Variants in WDR90 observed in about 807,000 individuals in gnomAD.
The protein encoded by WDR90 is WD repeat domain 90.
Under a neutral mutation model 195.2 loss-of-function variants are expected in WDR90, and 238 were observed. The observed-to-expected ratio is 1.22, with a 90% CI of 1.10 to 1.36. The LOEUF (loss-of-function observed/expected upper bound fraction) is 1.36, where lower values mean the gene tolerates loss of function less well. Among genes scored for constraint, WDR90 ranks in the 40% most tolerant of loss-of-function variants. The pLI, the probability that WDR90 is intolerant of heterozygous loss-of-function variation, is 0.00. For missense variants in WDR90, 2,734 were observed against 2,439.5 expected, an observed-to-expected ratio of 1.12 and a Z score of -2.54; for synonymous variants, 1,265 against 1,052.4, an observed-to-expected ratio of 1.20 and a Z score of -3.91.
Position 657,180 on chromosome 16 carries a change from A to G in WDR90, c.2432A>G (p.Tyr811Cys). 1 of 1,557,104 alleles carries G rather than the reference A, an allele frequency of 6.4e-7. No individual in the cohort carries two copies. Among genetic ancestry groups the G allele is most frequent in the Non-Finnish European group, 8.7e-7 (1 of 1,150,966 alleles). Reference sequence around the variant, plus strand: ...TGCTCCCAGGGCTCCCTGGCCCAGTACAGCTGTGCGGACCCCCAGTGGCAT... The same window carrying G: ...TGCTCCCAGGGCTCCCTGGCCCAGTGCAGCTGTGCGGACCCCCAGTGGCAT... ...SSCSQGSLAQ[Y>C]SCADPQWHVL... The change falls in exon 20 of 41, where the codon TAC becomes TGC. Residue 811 changes from tyrosine (Y) to cysteine (C), a missense_variant. Coordinates refer to ENST00000293879, the MANE Select transcript of WDR90 (RefSeq NM_145294.5).
At position 666,770 on chromosome 16, in the gene WDR90, T is replaced by C. The variant is rs2038074092; in HGVS notation, c.4982T>C (p.Ile1661Thr). ...VGPGVYKEVI[I>T]YNLCQKQVVE... ...CCCGGTGTTTACAAGGAGGTGATCA[T>C]CTACAACCTCTGCCAGAAGCAGGTA... Residue 1661 changes from isoleucine to threonine, a missense_variant, in exon 39 of 41, where the codon ATC (isoleucine) becomes ACC (threonine). Ile to Thr is a moderately conservative substitution (Grantham distance 89). Coordinates refer to ENST00000293879, the MANE Select transcript of WDR90 (RefSeq NM_145294.5). 1 of 1,612,634 alleles carries C rather than the reference T, an allele frequency of 6.2e-7. No individual in the cohort carries two copies. Among genetic ancestry groups the C allele is most frequent in the African/African-American group, 1.3e-5 (1 of 74,896 alleles).
At position 659,332 on chromosome 16, in the gene WDR90, C is replaced by A; in HGVS notation, c.3140C>A (p.Pro1047Gln). The A allele has an allele frequency of 6.3e-7, 1 of 1,596,964 alleles. No individual in the cohort carries two copies. The highest frequency in any genetic ancestry group is 1.1e-5 in the South Asian group (1 of 88,882). ...GTCCCCAAGCCATGTCAGGCATCTC[C>A]ACCACGGCTGGGCGTCTGTGCCAGG... ...QQVPKPCQASPPRLGVCARPP... is the reference protein window; with the variant it reads ...QQVPKPCQASQPRLGVCARPP... Residue 1047 changes from proline to glutamine, a missense_variant, in exon 26 of 41, where the codon CCA becomes CAA. Pro to Gln is a moderately conservative substitution (Grantham distance 76). Transcript: ENST00000293879.
Position 666,228 on chromosome 16 carries a change from G to C in WDR90, c.4618G>C (p.Val1540Leu), listed in dbSNP as rs2038032502. Residue 1540 changes from valine to leucine, a missense_variant, in exon 37 of 41, where the codon GTC (valine) becomes CTC (leucine). Physicochemically the swap from Val to Leu is conservative, Grantham distance 32 (BLOSUM62 1). Coordinates refer to ENST00000293879, the MANE Select transcript of WDR90 (RefSeq NM_145294.5). ...TVAFSTDGQT[V>L]LSGDKDGLVA... ...TGACGGCATGGTCCCAGGTCAGACT[G>C]TCCTCTCTGGAGACAAGGATGGGCT... The C allele has an allele frequency of 6.2e-7, 1 of 1,612,410 alleles. No individual in the cohort carries two copies. Among genetic ancestry groups the C allele is most frequent in the Non-Finnish European group, 8.5e-7 (1 of 1,179,750 alleles).
chr16:655,992 C>A, intron 17 of WDR90, 103 bp downstream of exon 17: 1 of 1,325,540 alleles, frequency 7.5e-7, no homozygotes, highest in Non-Finnish European at 1.0e-6. Flanking sequence ...CGCCCTGGCT[C>A]CTGGCTGCAC....
At position 660,622 on chromosome 16, in the gene WDR90, C is replaced by A. The variant is rs545936270; in HGVS notation, c.3299C>A (p.Pro1100Gln). 1.1e-5 allele frequency: 18 copies of A among 1,567,518 alleles called. No individual in the cohort carries two copies. In the South Asian group the frequency reaches 2.1e-4, roughly 18 times the overall value. Residue 1100 changes from proline (P) to glutamine (Q), a missense_variant, in exon 28 of 41, where the codon CCG becomes CAG. By Grantham distance (76) the Pro-to-Gln change is moderately conservative. Coordinates refer to ENST00000293879, the MANE Select transcript of WDR90 (RefSeq NM_145294.5). The part of the protein sequence containing the change: ...CSPHSAKGTC[P>Q]PPASGGWLRL... ...TCTCCTTCCTCGCAGGGCACTTGCC[C>A]GCCTCCCGCCAGCGGTGGGTGGCTG...
chr16:663,460 C>T, intron 34 of WDR90: 1 of 229,662 alleles, frequency 4.4e-6, no homozygotes, highest in East Asian at 1.3e-4. Context: ...ATGAAAAACC[C>T]CACATCGTCT....
chr16:656,130 C>T lies in WDR90; in HGVS notation c.1967-172C>T. ...GTGTGTGAAGCCCCTCAGCCTGGGTCCCGCCTAGCCTAAGAGTGGTGGCCT... is the reference window on the plus strand; with the variant it reads ...GTGTGTGAAGCCCCTCAGCCTGGGTTCCGCCTAGCCTAAGAGTGGTGGCCT... On this transcript the variant is annotated intron_variant, in intron 17 of 40. Coordinates refer to ENST00000293879, the MANE Select transcript of WDR90 (RefSeq NM_145294.5). The T allele has an allele frequency of 3.9e-6, 3 of 768,312 alleles. No homozygotes were observed. The East Asian group carries it at 8.1e-5, about 21-fold the overall frequency. The allele number at this position is 768,312 out of a possible 1,614,324, so 47.6% of individuals were successfully genotyped here. A position where few individuals can be genotyped will look rare whatever the true frequency, so the allele number is the denominator to read the frequency against.
In WDR90 at chr16:658,282, G is replaced by T; in HGVS notation, c.2704G>T (p.Val902Leu). ...CCCTGCAGCTCTGGGCCACCTGCTG[G>T]TGTCCACCTCGTCCAACAGAGTCGT... Reference protein sequence around the residue: ...FGPAALGHLLVSTSSNRVVVL... With the variant: ...FGPAALGHLLLSTSSNRVVVL... The change falls in exon 22 of 41, where the codon GTG (valine) becomes TTG (leucine). Residue 902 changes from valine (V) to leucine (L), a missense_variant. Physicochemically the swap from Val to Leu is conservative, Grantham distance 32. Coordinates refer to ENST00000293879, the MANE Select transcript of WDR90 (RefSeq NM_145294.5). The T allele has an allele frequency of 6.2e-7, 1 of 1,612,628 alleles. No homozygotes were observed. Among genetic ancestry groups the T allele is most frequent in the East Asian group, 2.2e-5 (1 of 44,876 alleles).
At chr16:654,819 C>T in intron 13 of WDR90, 1 of 590,690 alleles carries the variant, frequency 1.7e-6, no homozygotes, top group South Asian at 2.0e-5. Context: ...GGTTGCAGTG[C>T]TCAGCATTGC....
rs2038016223 is a variant in WDR90, at chr16:665,911, C to G, written c.4435-39C>G. 1.9e-6 allele frequency: 3 copies of G among 1,564,286 alleles called. No individual in the cohort carries two copies. In the East Asian group the frequency reaches 6.8e-5, roughly 35 times the overall value. Reference sequence around the variant, plus strand: ...TGGCCTGGGTGTGTGTCCTCAGGGCCCCTGTGAGTGCTGAAGTTTCCCCAC... The same window carrying G: ...TGGCCTGGGTGTGTGTCCTCAGGGCGCCTGTGAGTGCTGAAGTTTCCCCAC... On this transcript the variant is annotated intron_variant, in intron 35 of 40. Transcript: ENST00000293879.
At chr16:663,521 G>C (rs1465939054) in intron 34 of WDR90, 1 of 188,042 alleles carries the variant, frequency 5.3e-6, no homozygotes, top group Non-Finnish European at 1.1e-5. Flanking sequence ...TCATGGGATT[G>C]TTCTCTGAGG....
chr16:652,888 A>AG (rs1347229166), intron 10 of WDR90, among the ~76,000 whole-genome samples: 5 of 152,184 alleles, frequency 3.3e-5, no homozygotes, highest in Non-Finnish European at 7.3e-5. Flanking sequence ...CACAACCTGT[A>AG]GGTCCCTCAT....
chr16:652,520 C>T lies in WDR90; in HGVS notation c.1107C>T (p.Gly369=), dbSNP rs1469393828. ...LRLKGVIGFG[G]HGTRQALWTP... ...TCAAGGGCGTCATCGGCTTTGGGGG[C>T]CACGGCACCAGACAGGTGAGGCTCC... The change falls in exon 10 of 41, where the codon GGC becomes GGT. Residue 369 remains glycine, a synonymous_variant. Coordinates refer to ENST00000293879, the MANE Select transcript of WDR90 (RefSeq NM_145294.5). 6.2e-7 allele frequency: 1 copy of T among 1,609,340 alleles called. No homozygotes were observed. The highest frequency in any genetic ancestry group is 8.5e-7 in the Non-Finnish European group (1 of 1,177,676).
chr16:656,426 C>T lies in WDR90; in HGVS notation c.2091C>T (p.Arg697=), dbSNP rs1160494115. The part of the protein sequence containing the change: ...TLSRVYHMLA[R]SHTAPVLALA... Reference sequence around the variant, plus strand: ...CCCGGGTGTACCACATGCTGGCTCGCTCCCACACCGCCCCGGTGTTGGCCC... The same window carrying T: ...CCCGGGTGTACCACATGCTGGCTCGTTCCCACACCGCCCCGGTGTTGGCCC... Residue 697 remains arginine (R), a synonymous_variant, in exon 18 of 41, where the codon CGC becomes CGT. Transcript: ENST00000293879. 3 of 1,604,342 alleles carry T rather than the reference C, an allele frequency of 1.9e-6. No homozygotes were observed. Among genetic ancestry groups the T allele is most frequent in the East Asian group, 2.2e-5 (1 of 44,538 alleles).
chr16:655,967 G>A, intron 17 of WDR90, 78 bp downstream of exon 17: 1 of 1,472,358 alleles, frequency 6.8e-7, no homozygotes, highest in East Asian at 2.5e-5. Flanking sequence ...CAGTCCCCGG[G>A]GCTCTGCTGT....
At position 649,380 on chromosome 16, in the gene WDR90, C is replaced by A. The variant is rs1219819975; in HGVS notation, c.-37C>A. 6 of 1,329,030 alleles carry A rather than the reference C, an allele frequency of 4.5e-6. No individual in the cohort carries two copies. The highest frequency in any genetic ancestry group is 1.5e-5 in the African/African-American group (1 of 65,174). 82.3% of individuals were successfully genotyped at this position (1,329,030 alleles called of 1,614,324 possible). A position where few individuals can be genotyped will look rare whatever the true frequency, so the allele number is the denominator to read the frequency against. ...CGCGGGGCGTACTCTGCGCTGGGCG[C>A]GCGGAGGCCTAGGCGGGAAGCTCGA... On this transcript the variant is annotated 5_prime_UTR_variant, in exon 1 of 41. Transcript: ENST00000293879.
rs780222651 is a variant in WDR90 at position 657,825 on chromosome 16, G to A, written c.2537G>A (p.Arg846His). 75 of 1,573,466 alleles carry A rather than the reference G, an allele frequency of 4.8e-5. 1 individual carries two copies. The highest frequency in any genetic ancestry group is 2.0e-4 in the South Asian group (17 of 86,136). The change falls in exon 21 of 41, where the codon CGC becomes CAC. Residue 846 changes from arginine to histidine, a missense_variant. By Grantham distance (29) the Arg-to-His change is conservative. Transcript: ENST00000293879. ...GCCCTGGCAGTCAGCAGGGATGGCC[G>A]CCTGCTGGCCTTTGTGGGACCCTCC... Reference protein sequence around the residue: ...PSALAVSRDGRLLAFVGPSRC... With the variant: ...PSALAVSRDGHLLAFVGPSRC...
At chr16:650,799 A>G (rs2037630207) in intron 5 of WDR90, 90 bp downstream of exon 5, 2 of 1,537,844 alleles carry the variant, frequency 1.3e-6, no homozygotes, top group Non-Finnish European at 1.8e-6. Context: ...GGGAAAATAC[A>G]GTGCTCGAGC....
chr16:662,714 G>A lies in WDR90; in HGVS notation c.4181G>A (p.Gly1394Glu). 6.3e-7 allele frequency: 1 copy of A among 1,581,108 alleles called. No homozygotes were observed. The highest frequency in any genetic ancestry group is 8.6e-7 in the Non-Finnish European group (1 of 1,159,728). Residue 1394 changes from glycine (G) to glutamate (E), a missense_variant, in exon 34 of 41, where the codon GGG (glycine) becomes GAG (glutamate). By Grantham distance (98) the Gly-to-Glu change is moderately conservative. Coordinates refer to ENST00000293879, the MANE Select transcript of WDR90 (RefSeq NM_145294.5). ...ATGGAACACGAGCTGGTGCTGGACG[G>A]GGCTGTGGTGAGTGCCAGCTTCGAT... ...VFMEHELVLD[G>E]AVVSASFDDS...
Sources: gnomAD v4.1 joint callset for allele counts (sites outside exome capture counted in the v4.1 genomes callset) on GRCh38, gnomAD v4.1.1 for gene constraint, MANE v1.5 for transcripts, NCBI Gene and HGNC (gene_info 2026-07-23, HGNC 2026-07-21) for gene names.